GRAMD4: variants seen among roughly 807,000 people sequenced by gnomAD.
The protein encoded by GRAMD4 is GRAM domain-containing protein 4.
Under a neutral mutation model 83.9 loss-of-function variants are expected in GRAMD4, and 25 were observed. The ratio of observed to expected loss-of-function variants is 0.30; its 90% CI spans 0.22 to 0.42. The LOEUF (loss-of-function observed/expected upper bound fraction) is 0.42, where lower values mean the gene tolerates loss of function less well. GRAMD4 is among the 10% of genes least tolerant of loss of function. The pLI, the probability that GRAMD4 is intolerant of heterozygous loss-of-function variation, is 1.00. For synonymous variants in GRAMD4, 336 were observed against 320.9 expected (o/e 1.05, Z -0.50); for missense variants, 593 against 788.7 (o/e 0.75, Z 2.97).
chr22:46,669,377 C>T (rs1402326387), intron 13 of GRAMD4, among the ~76,000 whole-genome samples: 6 of 150,352 alleles, frequency 4.0e-5, no homozygotes, highest in Admixed American at 3.3e-4. Flanking sequence ...GCAGAGCTGG[C>T]GGCGGGGAAG....
chr22:46,599,342 G>A (rs1569252106), intron 1 of GRAMD4, among the ~76,000 whole-genome samples: 1 of 151,722 alleles, frequency 6.6e-6, no homozygotes, highest in African/African-American at 2.4e-5. Flanking sequence ...TTTTGAGACG[G>A]AGTCTTGCTC....
At chr22:46,617,774 C>T (rs1021576279), upstream of GRAMD4, among the ~76,000 whole-genome samples, 1 of 152,120 alleles carries the variant, frequency 6.6e-6, no homozygotes, top group East Asian at 1.9e-4. Flanking sequence ...CGCTCCCTGG[C>T]CCCCCTGGGT....
At chr22:46,641,660 C>T (rs894742954) in intron 3 of GRAMD4, among the ~76,000 whole-genome samples, 7 of 152,042 alleles carry the variant, frequency 4.6e-5, no homozygotes, top group Admixed American at 1.3e-4. Flanking sequence ...CTGGTCGTGG[C>T]GGGGTTGGGT....
intron 3 of GRAMD4, among the ~76,000 whole-genome samples, chr22:46,649,369 G>A (rs181269168): frequency 1.3e-5 from 2 of 152,302 alleles, no homozygotes; most frequent in African/African-American, 2.4e-5. Context: ...TCGAGCACAC[G>A]ACTCTCCTGG....
chr22:46,664,627 G>T lies in GRAMD4; in HGVS notation c.717+510G>T, dbSNP rs898655665. On this transcript the variant is annotated intron_variant, in intron 8 of 18. Transcript: ENST00000406902. Reference sequence around the variant, plus strand: ...GTCCTGCCTGGAACTGCCCTGCAGCGGCTGCCCCAGCGGGACAGGAGACTT... The same window carrying T: ...GTCCTGCCTGGAACTGCCCTGCAGCTGCTGCCCCAGCGGGACAGGAGACTT... Among the ~76,000 whole-genome samples, 3 of 152,240 alleles carry T rather than the reference G, an allele frequency of 2.0e-5. No homozygotes were observed. The East Asian group carries it at 5.8e-4, about 29-fold the overall frequency.
chr22:46,651,346 C>T (rs746704048), intron 3 of GRAMD4, among the ~76,000 whole-genome samples: 11 of 152,208 alleles, frequency 7.2e-5, no homozygotes, highest in African/African-American at 1.2e-4. Flanking sequence ...CTGGAAGAGG[C>T]GCAGCTCACT....
chr22:46,590,764 A>T (rs2081199199), intron 1 of GRAMD4, among the ~76,000 whole-genome samples: 1 of 152,246 alleles, frequency 6.6e-6, no homozygotes, highest in Admixed American at 6.5e-5. Context: ...CTACTAGTTT[A>T]TAAAAACAGC....
At chr22:46,625,076 G>A (rs2081635789) in intron 1 of GRAMD4, among the ~76,000 whole-genome samples, 1 of 151,984 alleles carries the variant, frequency 6.6e-6, no homozygotes, top group Non-Finnish European at 1.5e-5. Flanking sequence ...CAGCCAAGAT[G>A]GTCTCAATCT....
chr22:46,579,530 T>TA (rs2081077119), intron 1 of GRAMD4, among the ~76,000 whole-genome samples: 1 of 152,188 alleles, frequency 6.6e-6, no homozygotes, highest in Non-Finnish European at 1.5e-5. Flanking sequence ...AGAGCAATGT[T>TA]AGACATGTTA....
chr22:46,660,696 G>A (rs1168940460), intron 4 of GRAMD4, among the ~76,000 whole-genome samples: 2 of 152,166 alleles, frequency 1.3e-5, no homozygotes, highest in African/African-American at 2.4e-5. Flanking sequence ...CTTCCTGCCC[G>A]CTGCTTACCT....
intron 1 of GRAMD4, among the ~76,000 whole-genome samples, chr22:46,612,094 C>G (rs1225219781): frequency 8.6e-6 from 1 of 116,190 alleles, no homozygotes; most frequent in Non-Finnish European, 1.9e-5. Flanking sequence ...GCCTTGAACT[C>G]CTGGTCTCAA....
At chr22:46,666,614 G>A (rs2082412738) in intron 9 of GRAMD4, among the ~76,000 whole-genome samples, 1 of 152,180 alleles carries the variant, frequency 6.6e-6, no homozygotes, top group Non-Finnish European at 1.5e-5. Context: ...TGCCCAGAAG[G>A]GCCCCAGAGG....
chr22:46,652,162 G>C (rs112950835), intron 3 of GRAMD4, among the ~76,000 whole-genome samples: 1 of 152,106 alleles, frequency 6.6e-6, no homozygotes, highest in Non-Finnish European at 1.5e-5. Context: ...ATGAGTCGCC[G>C]ACCTTTGGTG....
intron 1 of GRAMD4, among the ~76,000 whole-genome samples, chr22:46,601,253 C>T (rs2081309687): frequency 1.3e-5 from 2 of 152,058 alleles, no homozygotes; most frequent in Admixed American, 6.5e-5. Context: ...TCTTCTGTGA[C>T]CCGTCGGCCG....
chr22:46,671,732 C>T (rs1293889447), intron 13 of GRAMD4, among the ~76,000 whole-genome samples: 2 of 150,790 alleles, frequency 1.3e-5, no homozygotes, highest in South Asian at 2.1e-4. Flanking sequence ...CCCAGCTACT[C>T]GAGAGGCTGA....
intron 1 of GRAMD4, among the ~76,000 whole-genome samples, chr22:46,605,792 A>C (rs1439373134): frequency 7.2e-6 from 1 of 139,550 alleles, no homozygotes. Flanking sequence ...GCATGGGCCT[A>C]TGGCCGGTGC....
intron 1 of GRAMD4, among the ~76,000 whole-genome samples, chr22:46,598,791 A>G (rs997562703): frequency 1.3e-5 from 2 of 152,162 alleles, no homozygotes; most frequent in Non-Finnish European, 2.9e-5. Flanking sequence ...CGTGCGGGCC[A>G]GCGGGGAAGG....
At chr22:46,603,711 T>C (rs2081338110) in intron 1 of GRAMD4, among the ~76,000 whole-genome samples, 1 of 149,582 alleles carries the variant, frequency 6.7e-6, no homozygotes, top group Non-Finnish European at 1.5e-5. Context: ...AGAGACGGGG[T>C]TTCAATGTGT....
chr22:46,682,537 C>T (rs1316903675), downstream of GRAMD4: 10 of 644,658 alleles, frequency 1.6e-5, no homozygotes, highest in African/African-American at 2.0e-5. Flanking sequence ...GCGACGAGGG[C>T]GCCCGCCCAG....
Sources: allele counts gnomAD v4.1 joint callset (sites outside exome capture counted in the v4.1 genomes callset), GRCh38; gene constraint gnomAD v4.1.1; transcripts MANE v1.5; gene names NCBI Gene and HGNC (gene_info 2026-07-23, HGNC 2026-07-21).